GLG1: variants seen among roughly 807,000 people sequenced by gnomAD.
GLG1 encodes Golgi apparatus protein 1.
In GLG1, 38 loss-of-function variants were observed where a neutral mutation model predicts 160.5. The ratio of observed to expected loss-of-function variants is 0.24; its 90% CI spans 0.18 to 0.31. GLG1 has a LOEUF of 0.31. Ranked by LOEUF, GLG1 falls within the 10% of genes least tolerant of loss-of-function variation. The probability of loss-of-function intolerance (pLI) is 1.00; values close to 1 mark genes in which losing one functional copy is unlikely to be tolerated. For synonymous variants in GLG1, 644 were observed against 543.4 expected (o/e 1.19, Z -2.57); for missense variants, 1,373 against 1,505.2 (o/e 0.91, Z 1.45).
At chr16:74,471,109 A>T in intron 15 of GLG1, 64 bp downstream of exon 15, 1 of 901,318 alleles carries the variant, frequency 1.1e-6, no homozygotes, top group Non-Finnish European at 1.9e-6. Context: ...GTTCCAAAAA[A>T]GGAAAGGATT....
chr16:74,549,388 G>C (rs1303983247), intron 1 of GLG1, among the ~76,000 whole-genome samples: 3 of 152,050 alleles, frequency 2.0e-5, no homozygotes, highest in Admixed American at 2.0e-4. Flanking sequence ...CCGCCTCCTG[G>C]GTTCACGCCA....
intron 1 of GLG1, among the ~76,000 whole-genome samples, chr16:74,589,105 A>G (rs1958117506): frequency 6.6e-6 from 1 of 151,868 alleles, no homozygotes; most frequent in Admixed American, 6.6e-5. Flanking sequence ...ACAACAAAAA[A>G]TTAGACGGGC....
Position 74,541,491 on chromosome 16 carries a change from T to A in GLG1, c.439-9338A>T, listed in dbSNP as rs2017866096. ...CAAAGACTTGGGTTTTGATTCCAGT[T>A]CCACTGCACATTTATCACATAACAT... is the stretch of plus-strand genomic sequence containing the variant. On this transcript the variant is annotated intron_variant, in intron 1 of 25. Coordinates refer to ENST00000422840, the MANE Select transcript of GLG1 (RefSeq NM_001145667.2). 3.9e-5 allele frequency among the ~76,000 whole-genome samples: 6 copies of A among 152,190 alleles called. No homozygotes were observed. The South Asian group carries it at 1.2e-3, about 32-fold the overall frequency.
chr16:74,591,886 C>A (rs1197696857), intron 1 of GLG1, among the ~76,000 whole-genome samples: 1 of 152,148 alleles, frequency 6.6e-6, no homozygotes, highest in Non-Finnish European at 1.5e-5. Flanking sequence ...TATTCTTTTT[C>A]CCCTTATACG....
chr16:74,474,810 A>C (rs2015339614), intron 12 of GLG1, among the ~76,000 whole-genome samples, 178 bp from the exon 13 acceptor site: 1 of 152,188 alleles, frequency 6.6e-6, no homozygotes, highest in Non-Finnish European at 1.5e-5. Flanking sequence ...GAGATTGTTG[A>C]AAAGATAATT....
chr16:74,594,465 T>C (rs1389229655), intron 1 of GLG1, among the ~76,000 whole-genome samples: 1 of 152,204 alleles, frequency 6.6e-6, no homozygotes, highest in Non-Finnish European at 1.5e-5. Flanking sequence ...CTTAAGTCAT[T>C]GTTTTTAGAT....
At position 74,540,064 on chromosome 16, in the gene GLG1, ATATATAT is replaced by A. The variant is rs1465729573; in HGVS notation, c.439-7918_439-7912del. Among the ~76,000 whole-genome samples, 2 of 1,386 alleles carry A rather than the reference ATATATAT, an allele frequency of 1.4e-3. 1 individual carries two copies. The highest frequency in any genetic ancestry group is 3.9e-3 in the Non-Finnish European group (2 of 516). The allele number at this position is 1,386 out of a possible 152,430, so 0.9% of individuals were successfully genotyped here. ...TATATATATTATATATATTTTATAT[ATATATAT>A]TATATATATTTTATATATATATTAT... On this transcript the variant is annotated intron_variant, in intron 1 of 25. Coordinates refer to ENST00000422840, the MANE Select transcript of GLG1 (RefSeq NM_001145667.2).
intron 1 of GLG1, among the ~76,000 whole-genome samples, chr16:74,572,079 T>C (rs1484628562): frequency 6.6e-6 from 1 of 152,016 alleles, no homozygotes; most frequent in Non-Finnish European, 1.5e-5. Context: ...AGGATGGGGC[T>C]AGTCACTGGA....
At chr16:74,569,245 G>A (rs753591338) in intron 1 of GLG1, among the ~76,000 whole-genome samples, 4 of 152,190 alleles carry the variant, frequency 2.6e-5, no homozygotes, top group Non-Finnish European at 5.9e-5. Flanking sequence ...GATGTAAGAT[G>A]GTCTTAGAAT....
rs1200869715 is a variant in GLG1, at chr16:74,555,038, C to A, written c.439-22885G>T. ...GTCTAAAATAAATAAATAATAAAAA[C>A]ATATAATTGCCTTCAGTTTATAAGA... On this transcript the variant is annotated intron_variant, in intron 1 of 25. Transcript: ENST00000422840. 1.2e-4 allele frequency among the ~76,000 whole-genome samples: 19 copies of A among 152,272 alleles called. No homozygotes were observed. In the East Asian group the frequency reaches 3.7e-3, roughly 29 times the overall value.
chr16:74,509,742 G>A (rs1414351567), intron 2 of GLG1, among the ~76,000 whole-genome samples: 2 of 151,600 alleles, frequency 1.3e-5, no homozygotes, highest in African/African-American at 4.8e-5. Flanking sequence ...CCAGCTACTC[G>A]GGAGACTGAG....
chr16:74,517,330 A>G (rs1426271090), intron 2 of GLG1, among the ~76,000 whole-genome samples: 3 of 152,218 alleles, frequency 2.0e-5, no homozygotes, highest in Non-Finnish European at 2.9e-5. Flanking sequence ...ATCCAGCAGC[A>G]CATCAAAAAG....
chr16:74,488,313 G>T (rs2015864360), intron 8 of GLG1, among the ~76,000 whole-genome samples: 1 of 152,086 alleles, frequency 6.6e-6, no homozygotes, highest in African/African-American at 2.4e-5. Flanking sequence ...AGGCCAAAAC[G>T]GGCAGACTGC....
At position 74,586,631 on chromosome 16, in the gene GLG1, C is replaced by T. The variant is rs546067131; in HGVS notation, c.438+20026G>A. On this transcript the variant is annotated intron_variant, in intron 1 of 25. Coordinates refer to ENST00000422840, the MANE Select transcript of GLG1 (RefSeq NM_001145667.2). The stretch of plus-strand genomic sequence containing the variant: ...CTGGGACTACAGGAGCCTGCCACCA[C>T]GCCTGGCTAATTTTTTTGTTTTAAT... Among the ~76,000 whole-genome samples the T allele has an allele frequency of 1.5e-3, 227 of 152,158 alleles. 1 individual carries two copies. In the South Asian group the frequency reaches 0.016, roughly 11 times the overall value.
chr16:74,549,958 A>G (rs545046118), intron 1 of GLG1, among the ~76,000 whole-genome samples: 1 of 98,728 alleles, frequency 1.0e-5, no homozygotes, highest in East Asian at 4.8e-4. Context: ...TGCCAAAAAG[A>G]AAAAAAAAAG....
At chr16:74,589,901 C>G (rs775227834) in intron 1 of GLG1, among the ~76,000 whole-genome samples, 2 of 152,082 alleles carry the variant, frequency 1.3e-5, no homozygotes, top group Non-Finnish European at 2.9e-5. Context: ...CCAGCCAATG[C>G]ACTCCAGCCT....
At chr16:74,580,536 T>G (rs1957915436) in intron 1 of GLG1, among the ~76,000 whole-genome samples, 1 of 152,018 alleles carries the variant, frequency 6.6e-6, no homozygotes, top group South Asian at 2.1e-4. Context: ...TCAAAATGGA[T>G]CAAAGGCCTA....
At chr16:74,604,981 G>T (rs955364207) in intron 1 of GLG1, among the ~76,000 whole-genome samples, 1 of 152,152 alleles carries the variant, frequency 6.6e-6, no homozygotes, top group East Asian at 1.9e-4. Context: ...GGGAGGTGGA[G>T]GTTGCAGTGA....
At chr16:74,523,717 T>C (rs2017245326) in intron 2 of GLG1, among the ~76,000 whole-genome samples, 1 of 151,984 alleles carries the variant, frequency 6.6e-6, no homozygotes, top group Non-Finnish European at 1.5e-5. Context: ...TAATTTTTAA[T>C]ATATTTTTAA....
Sources: gnomAD v4.1 joint callset for allele counts (sites outside exome capture counted in the v4.1 genomes callset) on GRCh38, gnomAD v4.1.1 for gene constraint, MANE v1.5 for transcripts, NCBI Gene and HGNC (gene_info 2026-07-23, HGNC 2026-07-21) for gene names.